Variants in ASXL2 observed in about 807,000 individuals in gnomAD.
ASXL2 encodes ASXL transcriptional regulator 2.
A neutral mutation model predicts 122.0 loss-of-function variants in ASXL2; 23 were observed. The observed-to-expected ratio is 0.19, with a 90% CI of 0.14 to 0.27. The LOEUF (loss-of-function observed/expected upper bound fraction) is 0.27. Ranked by LOEUF, ASXL2 falls within the 10% of genes least tolerant of loss-of-function variation. ASXL2 has a pLI of 1.00. For synonymous variants in ASXL2, 650 were observed against 637.0 expected (o/e 1.02, Z -0.31); for missense variants, 1,518 against 1,713.8 (o/e 0.89, Z 2.02).
chr2:25,849,914 A>G (rs993722494), intron 1 of ASXL2, among the ~76,000 whole-genome samples: 11 of 152,312 alleles, frequency 7.2e-5, no homozygotes, highest in African/African-American at 2.6e-4. Context: ...TTGGGGAGAA[A>G]GAAAAATGTT....
intron 2 of ASXL2, among the ~76,000 whole-genome samples, chr2:25,837,972 A>C (rs1233977195): frequency 8.8e-5 from 13 of 147,518 alleles, no homozygotes; most frequent in East Asian, 7.9e-4. Flanking sequence ...AAAAAAAAAA[A>C]CACAAAAAAT....
intron 1 of ASXL2, among the ~76,000 whole-genome samples, chr2:25,869,815 CA>C (rs1164833458): frequency 1.2e-4 from 15 of 126,482 alleles, no homozygotes; most frequent in South Asian, 2.5e-4. Context: ...GACCCTGTTT[CA>C]AAAAAAAAAG....
intron 11 of ASXL2, 145 bp from the exon 12 acceptor site, chr2:25,750,558 T>C (rs1320933585): frequency 1.5e-5 from 11 of 742,782 alleles, no homozygotes; most frequent in Non-Finnish European, 2.3e-5. Flanking sequence ...CTATTAGTAG[T>C]AGTGAAAGTT....
intron 12 of ASXL2, among the ~76,000 whole-genome samples, chr2:25,748,721 A>T (rs2087984717): frequency 1.3e-5 from 2 of 152,254 alleles, no homozygotes; most frequent in Non-Finnish European, 2.9e-5. Flanking sequence ...ACTATTTATT[A>T]AATGAATGAA....
At chr2:25,834,357 A>T (rs1253299327) in intron 3 of ASXL2, among the ~76,000 whole-genome samples, 8 of 152,162 alleles carry the variant, frequency 5.3e-5, no homozygotes, top group East Asian at 1.9e-4. Flanking sequence ...TGTCTCCAAA[A>T]AAATAAATAA....
At chr2:25,810,363 G>T in intron 3 of ASXL2, 1 of 660,684 alleles carries the variant, frequency 1.5e-6, no homozygotes, top group Non-Finnish European at 2.8e-6. Context: ...CATCTTTTAA[G>T]GTCCAGTTTT....
chr2:25,804,145 G>A (rs867334581), intron 4 of ASXL2, among the ~76,000 whole-genome samples: 8 of 152,202 alleles, frequency 5.3e-5, no homozygotes, highest in African/African-American at 1.9e-4. Context: ...ATATAAAAAG[G>A]AGGCAGGTGG....
intron 10 of ASXL2, among the ~76,000 whole-genome samples, chr2:25,755,289 A>G (rs529102719): frequency 6.6e-6 from 1 of 152,332 alleles, no homozygotes; most frequent in Non-Finnish European, 1.5e-5. Flanking sequence ...AAAATCATTG[A>G]CACTGGTGTT....
chr2:25,737,971 AAT>A lies in ASXL2; in HGVS notation c.*4056_*4057del, dbSNP rs1342265825. 3 of 152,174 alleles carry A rather than the reference AAT, an allele frequency of 2.0e-5. No individual in the cohort carries two copies. Among genetic ancestry groups the A allele is most frequent in the African/African-American group, 7.2e-5 (3 of 41,466 alleles). 9.4% of individuals were successfully genotyped at this position (152,174 alleles called of 1,614,324 possible). ...AAACCTTACAGCCAGAAGGGAAAAA[AAT>A]AGCTTGTGGTAAATAAGTCAATTTT... On this transcript the variant is annotated 3_prime_UTR_variant, in exon 13 of 13. Transcript: ENST00000435504.
At chr2:25,851,922 G>C (rs1309373220) in intron 1 of ASXL2, among the ~76,000 whole-genome samples, 2 of 152,096 alleles carry the variant, frequency 1.3e-5, no homozygotes, top group African/African-American at 4.8e-5. Flanking sequence ...AATGTGCATG[G>C]ATAGAAATGA....
intron 1 of ASXL2, among the ~76,000 whole-genome samples, chr2:25,876,677 T>C (rs1456218140): frequency 6.6e-6 from 1 of 152,174 alleles, no homozygotes; most frequent in Non-Finnish European, 1.5e-5. Context: ...TCTGTGGGGA[T>C]GCAACCTCTA....
At chr2:25,840,905 T>A (rs2089571321) in intron 2 of ASXL2, among the ~76,000 whole-genome samples, 1 of 152,208 alleles carries the variant, frequency 6.6e-6, no homozygotes, top group African/African-American at 2.4e-5. Context: ...AGTCATGTAT[T>A]AAGGTCCGAG....
intron 1 of ASXL2, chr2:25,856,703 C>T: frequency 7.7e-7 from 1 of 1,298,518 alleles, no homozygotes; most frequent in Admixed American, 1.7e-5. Flanking sequence ...GTTTGCATAC[C>T]TGGATCGATT....
intron 1 of ASXL2, chr2:25,856,361 T>C (rs546981645): frequency 7.6e-5 from 37 of 485,070 alleles, no homozygotes; most frequent in African/African-American, 7.6e-4. Context: ...ACCTGGCCTA[T>C]ACTTTTTTTT....
intron 10 of ASXL2, among the ~76,000 whole-genome samples, chr2:25,754,743 A>C (rs568810114): frequency 1.1e-3 from 168 of 152,328 alleles, no homozygotes; most frequent in African/African-American, 4.0e-3. Context: ...CTAGTTACAA[A>C]AAAGTGGGGG....
intron 2 of ASXL2, among the ~76,000 whole-genome samples, chr2:25,837,611 G>A (rs1309884374): frequency 2.0e-5 from 3 of 152,094 alleles, no homozygotes; most frequent in African/African-American, 7.2e-5. Flanking sequence ...CAGCAGTTTG[G>A]GAGGCCAAGG....
At chr2:25,873,034 A>G (rs1574458366) in intron 1 of ASXL2, among the ~76,000 whole-genome samples, 1 of 152,138 alleles carries the variant, frequency 6.6e-6, no homozygotes, top group East Asian at 1.9e-4. Flanking sequence ...TGGTGCACCC[A>G]TCACCCGAGC....
chr2:25,749,946 A>G lies in ASXL2; in HGVS notation c.1610T>C (p.Ile537Thr), dbSNP rs938797887. 2 of 1,613,906 alleles carry G rather than the reference A, an allele frequency of 1.2e-6. No individual in the cohort carries two copies. Among genetic ancestry groups the G allele is most frequent in the South Asian group, 1.1e-5 (1 of 91,076 alleles). Residue 537 changes from isoleucine (I) to threonine (T), a missense_variant, in exon 12 of 13, where the codon ATA (isoleucine) becomes ACA (threonine). Physicochemically the swap from Ile to Thr is moderately conservative, Grantham distance 89 (BLOSUM62 -1). Coordinates refer to ENST00000435504, the MANE Select transcript of ASXL2 (RefSeq NM_018263.6). ...KPKSPGVEKP[I>T]VKPTAGAGPQ... Reference sequence around the variant, plus strand: ...ACCCGCTCCTGCTGTGGGCTTCACTATTGGTTTTTCAACCCCAGGACTCTT... The same window carrying G: ...ACCCGCTCCTGCTGTGGGCTTCACTGTTGGTTTTTCAACCCCAGGACTCTT...
intron 1 of ASXL2, among the ~76,000 whole-genome samples, chr2:25,865,424 T>C (rs2089890821): frequency 6.6e-6 from 1 of 150,670 alleles, no homozygotes. Flanking sequence ...AGAGCGAGAC[T>C]CTGTCTCAGA....
Sources: gnomAD v4.1 joint callset for allele counts (sites outside exome capture counted in the v4.1 genomes callset) on GRCh38, gnomAD v4.1.1 for gene constraint, MANE v1.5 for transcripts, NCBI Gene and HGNC (gene_info 2026-07-23, HGNC 2026-07-21) for gene names.